Variants in MYO18B observed in about 807,000 individuals in gnomAD.
MYO18B encodes the protein unconventional myosin-XVIIIb.
Under a neutral mutation model 273.0 loss-of-function variants are expected in MYO18B, and 204 were observed. The observed-to-expected ratio is 0.75, with a 90% CI of 0.67 to 0.84. The LOEUF is 0.84. Among genes scored for constraint, MYO18B ranks in the 40% least tolerant of loss-of-function variants. The pLI, the probability that MYO18B is intolerant of heterozygous loss-of-function variation, is 0.00. For missense variants in MYO18B, 3,212 were observed against 3,287.6 expected, an observed-to-expected ratio of 0.98 and a Z score of 0.56; for synonymous variants, 1,330 against 1,305.7, an observed-to-expected ratio of 1.02 and a Z score of -0.40.
chr22:25,857,993 T>G (rs75232015), intron 21 of MYO18B, among the ~76,000 whole-genome samples: 6,179 of 152,350 alleles, frequency 0.041, 186 homozygotes, highest in East Asian at 0.14. Context: ...TGTTTTCCAC[T>G]CAATTTTAAT....
chr22:25,835,695 G>A (rs1344475664), intron 17 of MYO18B, among the ~76,000 whole-genome samples: 2 of 152,242 alleles, frequency 1.3e-5, no homozygotes, highest in African/African-American at 2.4e-5. Flanking sequence ...CATGGGGAAG[G>A]CACAAGCTCA....
At chr22:26,055,939 T>A in the MYO18B span, among the ~76,000 whole-genome samples, 1 of 152,264 alleles carries the variant, frequency 6.6e-6, no homozygotes. Flanking sequence ...GATGAGCTCA[T>A]TCTGCTTGCT....
rs1321515140 is a variant in MYO18B at position 25,769,211 on chromosome 22, C to T, written c.1295C>T (p.Pro432Leu). Residue 432 changes from proline to leucine, a missense_variant, in exon 4 of 44, where the codon CCT (proline) becomes CTT (leucine). Coordinates refer to ENST00000335473, the MANE Select transcript of MYO18B (RefSeq NM_032608.7). ...VSTMVESPAA[P>L]GKGGWPGSRG... ...ACAATGGTGGAGTCGCCAGCAGCTC[C>T]TGGGAAGGGAGGCTGGCCAGGAAGC... 2.5e-6 allele frequency: 4 copies of T among 1,606,026 alleles called. No individual in the cohort carries two copies. The highest frequency in any genetic ancestry group is 3.4e-6 in the Non-Finnish European group (4 of 1,176,406).
At chr22:25,813,049 T>C (rs1274589365) in intron 12 of MYO18B, among the ~76,000 whole-genome samples, 1 of 151,276 alleles carries the variant, frequency 6.6e-6, no homozygotes, top group Non-Finnish European at 1.5e-5. Context: ...TCTCCTTCTC[T>C]CTTTTCTCTT....
At chr22:25,914,634 G>A (rs2092225813) in intron 33 of MYO18B, among the ~76,000 whole-genome samples, 1 of 85,058 alleles carries the variant, frequency 1.2e-5, no homozygotes, top group African/African-American at 4.5e-5. Context: ...AGGCTTTTTT[G>A]TATTTTCTGC....
rs769720747 is a variant in MYO18B, at chr22:25,763,392, A to T, written c.198+3A>T. 1 of 1,606,506 alleles carries T rather than the reference A, an allele frequency of 6.2e-7. No individual in the cohort carries two copies. The highest frequency in any genetic ancestry group is 8.5e-7 in the Non-Finnish European group (1 of 1,178,196). ...CTGTCGCCTCTCCAGAACGAGAGGT[A>T]AGTGGTTCCTAAGAAGGAGGACCGT... On this transcript the variant is annotated splice_donor_region_variant and intron_variant, in intron 3 of 43. Transcript: ENST00000335473.
chr22:25,857,489 CTT>C (rs937190502), intron 21 of MYO18B, among the ~76,000 whole-genome samples: 3 of 152,188 alleles, frequency 2.0e-5, no homozygotes, highest in South Asian at 2.1e-4. Context: ...TCTCAAGAGT[CTT>C]TATCTGCTGG....
At chr22:25,842,917 G>A (rs2090127293) in intron 17 of MYO18B, among the ~76,000 whole-genome samples, 1 of 152,218 alleles carries the variant, frequency 6.6e-6, no homozygotes, top group African/African-American at 2.4e-5. Context: ...GGGAACATCA[G>A]CAAAGGTTTA....
intron 1 of MYO18B, among the ~76,000 whole-genome samples, chr22:25,747,160 C>T (rs2085804761): frequency 6.6e-6 from 1 of 152,000 alleles, no homozygotes. Flanking sequence ...GAAAATTAGC[C>T]CTTTGATGGA....
chr22:25,966,896 C>T lies in MYO18B; in HGVS notation c.6156+11532C>T, dbSNP rs76646840. ...CAATTCAAGAGGTGTTACCATCTAA[C>T]GAAAGAGTTTCTTTGCGTCTGGCTC... On this transcript the variant is annotated intron_variant, in intron 39 of 43. Coordinates refer to ENST00000335473, the MANE Select transcript of MYO18B (RefSeq NM_032608.7). Among the ~76,000 whole-genome samples, 1,105 of 152,276 alleles carry T rather than the reference C, an allele frequency of 7.3e-3. 15 individuals are homozygous for T. Among genetic ancestry groups the T allele is most frequent in the African/African-American group, 0.025 (1,054 of 41,548 alleles).
chr22:25,830,478 G>A (rs2089666662), intron 15 of MYO18B, among the ~76,000 whole-genome samples: 2 of 152,222 alleles, frequency 1.3e-5, no homozygotes, highest in Non-Finnish European at 2.9e-5. Flanking sequence ...TGTAGGTTGG[G>A]GTAGATGGCT....
intron 33 of MYO18B, among the ~76,000 whole-genome samples, chr22:25,912,977 A>AT (rs979231271): frequency 6.6e-6 from 1 of 152,156 alleles, no homozygotes; most frequent in Non-Finnish European, 1.5e-5. Context: ...CACAGCATTC[A>AT]TTTTTTTAAA....
At chr22:25,916,714 C>T (rs575042918) in intron 33 of MYO18B, among the ~76,000 whole-genome samples, 1 of 152,236 alleles carries the variant, frequency 6.6e-6, no homozygotes, top group Admixed American at 6.5e-5. Context: ...CTTTGTTGCT[C>T]TAGTTATTGG....
intron 34 of MYO18B, among the ~76,000 whole-genome samples, chr22:25,933,139 T>G (rs1802963298): frequency 6.6e-6 from 1 of 152,176 alleles, no homozygotes; most frequent in Non-Finnish European, 1.5e-5. Flanking sequence ...TGTAGAATGT[T>G]CCTCAATTTT....
At chr22:25,914,251 T>C (rs1220642163) in intron 33 of MYO18B, among the ~76,000 whole-genome samples, 1 of 152,224 alleles carries the variant, frequency 6.6e-6, no homozygotes, top group Non-Finnish European at 1.5e-5. Flanking sequence ...ATTGACCCTT[T>C]AATCTTCTTA....
rs2092858105 is a variant in MYO18B at position 25,956,805 on chromosome 22, A to G, written c.6156+1441A>G. The stretch of plus-strand genomic sequence containing the variant: ...ATTACATTTGTTTTCTCCTTCCTGC[A>G]TTATCCGCTCTGGTGCTGTGAGAGG... On this transcript the variant is annotated intron_variant, in intron 39 of 43. Coordinates refer to ENST00000335473, the MANE Select transcript of MYO18B (RefSeq NM_032608.7). Among the ~76,000 whole-genome samples, 2 of 152,126 alleles carry G rather than the reference A, an allele frequency of 1.3e-5. 1 individual carries two copies. Among genetic ancestry groups the G allele is most frequent in the South Asian group, 4.2e-4 (2 of 4,806 alleles).
intron 39 of MYO18B, chr22:25,964,792 G>A (rs963850173): frequency 6.6e-6 from 1 of 152,324 alleles, no homozygotes; most frequent in East Asian, 1.9e-4. Flanking sequence ...CATTTTACAG[G>A]TGGTTAAACT....
chr22:25,999,461 CTCA>C, intron 40 of MYO18B, among the ~76,000 whole-genome samples: 1 of 152,160 alleles, frequency 6.6e-6, no homozygotes, highest in South Asian at 2.1e-4. Context: ...AATTATCTCG[CTCA>C]TCATCAACAC....
At chr22:25,957,860 C>G (rs73414063) in intron 39 of MYO18B, among the ~76,000 whole-genome samples, 113 of 151,320 alleles carry the variant, frequency 7.5e-4, no homozygotes, top group Admixed American at 1.8e-3. Context: ...TCTAAATCCA[C>G]GTTGATCTCA....
Sources: allele counts gnomAD v4.1 joint callset (sites outside exome capture counted in the v4.1 genomes callset), GRCh38; gene constraint gnomAD v4.1.1; transcripts MANE v1.5; gene names NCBI Gene and HGNC (gene_info 2026-07-23, HGNC 2026-07-21).